CDH23: variants seen among roughly 807,000 people sequenced by gnomAD.
The protein encoded by CDH23 is cadherin-23.
A neutral mutation model predicts 317.1 loss-of-function variants in CDH23; 189 were observed. That is an observed-to-expected ratio of 0.60 (90% CI 0.53 to 0.67). The LOEUF is 0.67. CDH23 is among the 30% of genes least tolerant of loss of function. The pLI is 0.00. For synonymous variants in CDH23, 1,839 were observed against 1,876.8 expected (o/e 0.98, Z 0.52); for missense variants, 4,401 against 4,592.4 (o/e 0.96, Z 1.20).
At chr10:71,672,580 C>T (rs540973398) in intron 14 of CDH23, among the ~76,000 whole-genome samples, 1 of 152,192 alleles carries the variant, frequency 6.6e-6, no homozygotes, top group African/African-American at 2.4e-5. Context: ...GATCAGCATC[C>T]GCAGCCTGGG....
At chr10:71,418,326 A>G (rs1337527867) in intron 1 of CDH23, among the ~76,000 whole-genome samples, 1 of 152,228 alleles carries the variant, frequency 6.6e-6, no homozygotes, top group East Asian at 1.9e-4. Flanking sequence ...CAGGCAGCAG[A>G]GCAGCTGATC....
intron 6 of CDH23, among the ~76,000 whole-genome samples, chr10:71,533,141 T>C (rs908742183): frequency 6.6e-6 from 1 of 152,186 alleles, no homozygotes; most frequent in Non-Finnish European, 1.5e-5. Flanking sequence ...TTGTAGACCA[T>C]GGATTGCTGG....
intron 38 of CDH23, among the ~76,000 whole-genome samples, chr10:71,776,573 C>A (rs1209840903): frequency 6.6e-6 from 1 of 152,170 alleles, no homozygotes; most frequent in East Asian, 1.9e-4. Flanking sequence ...GAGTTTAATA[C>A]AGGGACTGTT....
intron 38 of CDH23, chr10:71,747,551 C>T (rs1839881396): frequency 6.6e-6 from 1 of 152,324 alleles, no homozygotes; most frequent in South Asian, 2.1e-4. Flanking sequence ...GCAGGAGACC[C>T]AGGGTTTAGT....
rs534512692 is a variant in CDH23, at chr10:71,668,139, A to AACCACAGCCAGAGACCCCTGCC, written c.1450-6925_1450-6904dup. On this transcript the variant is annotated intron_variant, in intron 14 of 69. Transcript: ENST00000224721. ...TAGGCTCAGGGGCTGCATCCTGGGA[A>AACCACAGCCAGAGACCCCTGCC]ACCACAGCCAGAGACCCCTGCCACC... Among the ~76,000 whole-genome samples the AACCACAGCCAGAGACCCCTGCC allele has an allele frequency of 3.3e-5, 5 of 151,804 alleles. No individual in the cohort carries two copies. In the South Asian group the frequency reaches 6.2e-4, roughly 19 times the overall value.
intron 1 of CDH23, among the ~76,000 whole-genome samples, chr10:71,409,907 T>C (rs1463139576): frequency 6.6e-6 from 1 of 152,046 alleles, no homozygotes; most frequent in African/African-American, 2.4e-5. Flanking sequence ...GAAGCATCTC[T>C]CCCTTTGTGC....
chr10:71,436,297 G>T (rs1304261845), intron 1 of CDH23, among the ~76,000 whole-genome samples: 1 of 152,272 alleles, frequency 6.6e-6, no homozygotes, highest in Non-Finnish European at 1.5e-5. Flanking sequence ...CACTTGAGAG[G>T]TTGGGGGCCC....
In CDH23 at chr10:71,803,394, A is replaced by G. The variant is rs761970568; in HGVS notation, c.7846A>G (p.Asn2616Asp). 5.0e-6 allele frequency: 8 copies of G among 1,597,294 alleles called. No homozygotes were observed. The highest frequency in any genetic ancestry group is 6.8e-6 in the Non-Finnish European group (8 of 1,172,768). The part of the protein sequence containing the change: ...DNRPVFVRPP[N>D]GTILHIREEI... ...CCGCCCTGTCTTTGTGCGCCCACCC[A>G]ACGGCACCATCCTCCACATCAGAGA... Residue 2616 changes from asparagine to aspartate, a missense_variant, in exon 55 of 70, where the codon AAC (asparagine) becomes GAC (aspartate). By Grantham distance (23) the Asn-to-Asp change is conservative (BLOSUM62 1). This residue lies in a region of CDH23 where 1,144 missense variants were observed against 1,138.2 expected (regional missense o/e 1.01). Transcript: ENST00000224721.
chr10:71,720,420 A>AACAC (rs57346519), intron 28 of CDH23, among the ~76,000 whole-genome samples: 29,336 of 145,698 alleles, frequency 0.2, 3,095 homozygotes, highest in South Asian at 0.32. Context: ...CTCTTTCCAA[A>AACAC]ACACACACAC....
intron 14 of CDH23, among the ~76,000 whole-genome samples, chr10:71,667,187 G>A (rs371570290): frequency 5.9e-5 from 9 of 152,162 alleles, no homozygotes; most frequent in African/African-American, 9.7e-5. Flanking sequence ...GTGTGCGTGC[G>A]TGACGGGAGT....
intron 3 of CDH23, among the ~76,000 whole-genome samples, chr10:71,480,409 G>A (rs138595276): frequency 3.9e-5 from 6 of 152,348 alleles, no homozygotes; most frequent in African/African-American, 1.2e-4. Flanking sequence ...TGTCCGGGTC[G>A]GACGGGGGCT....
intron 3 of CDH23, among the ~76,000 whole-genome samples, chr10:71,467,829 G>A (rs756663772): frequency 6.6e-6 from 1 of 152,126 alleles, no homozygotes; most frequent in Non-Finnish European, 1.5e-5. Flanking sequence ...GGAGCAAACT[G>A]AGGTCACACT....
intron 1 of CDH23, among the ~76,000 whole-genome samples, chr10:71,403,366 T>G (rs1324199995): frequency 1.9e-5 from 2 of 107,244 alleles, no homozygotes; most frequent in Admixed American, 9.1e-5. Context: ...TTTCTTTCTT[T>G]CTTTCTTTCT....
At chr10:71,589,969 T>C (rs1417020696) in intron 9 of CDH23, among the ~76,000 whole-genome samples, 1 of 152,238 alleles carries the variant, frequency 6.6e-6, no homozygotes, top group African/African-American at 2.4e-5. Context: ...TGAGGCCCAG[T>C]TGCCTAAGAT....
chr10:71,790,974 T>G (rs564850818), intron 46 of CDH23, among the ~76,000 whole-genome samples, 158 bp from the exon 47 acceptor site: 94 of 152,286 alleles, frequency 6.2e-4, no homozygotes, highest in African/African-American at 2.1e-3. Context: ...GTTGAGCCTG[T>G]GGGGGAGAAA....
At chr10:71,778,412 G>T in intron 40 of CDH23, 104 bp downstream of exon 40, 4 of 1,428,094 alleles carry the variant, frequency 2.8e-6, no homozygotes, top group Non-Finnish European at 3.8e-6. Flanking sequence ...TTGTCTGAGG[G>T]AAATGCCTAA....
At chr10:71,695,567 C>T (rs1305893995) in intron 22 of CDH23, 42 bp downstream of exon 22, 1 of 1,417,714 alleles carries the variant, frequency 7.1e-7, no homozygotes, top group Non-Finnish European at 1.0e-6. Context: ...GCGGCCCTTC[C>T]CAGGGGTCTG....
chr10:71,618,153 G>A (rs1861288046), intron 11 of CDH23, among the ~76,000 whole-genome samples: 1 of 152,182 alleles, frequency 6.6e-6, no homozygotes, highest in Non-Finnish European at 1.5e-5. Context: ...AATGACCCCA[G>A]CTTTTCCACG....
intron 26 of CDH23, among the ~76,000 whole-genome samples, chr10:71,707,833 G>A (rs759191960): frequency 3.3e-5 from 5 of 152,120 alleles, no homozygotes; most frequent in Non-Finnish European, 7.4e-5. Flanking sequence ...ATGTGTGCCT[G>A]TACACACGAG....
Sources: gnomAD v4.1 joint callset for allele counts (sites outside exome capture counted in the v4.1 genomes callset) on GRCh38, gnomAD v4.1.1 for gene constraint, gnomAD v4.1.1 regional missense constraint, MANE v1.5 for transcripts, NCBI Gene and HGNC (gene_info 2026-07-23, HGNC 2026-07-21) for gene names.